The following ABHD16A variants were observed in gnomAD, a reference collection of about 807,000 sequenced individuals.
The protein encoded by ABHD16A is phosphatidylserine lipase ABHD16A.
A neutral mutation model predicts 89.8 loss-of-function variants in ABHD16A; 47 were observed. The observed-to-expected ratio is 0.52, with a 90% CI of 0.41 to 0.67. The LOEUF is 0.67. Among genes scored for constraint, ABHD16A ranks in the 30% least tolerant of loss-of-function variants. The probability of loss-of-function intolerance (pLI) is 0.00; values close to 1 mark genes in which losing one functional copy is unlikely to be tolerated. For synonymous variants in ABHD16A, 251 were observed against 280.4 expected (o/e 0.90, Z 1.05); for missense variants, 580 against 734.6 (o/e 0.79, Z 2.43).
chr6:31,702,775 G>A (rs1345617577), intron 1 of ABHD16A: 2 of 1,479,342 alleles, frequency 1.4e-6, no homozygotes. Context: ...GCATGAAGAG[G>A]CACTGAAGAA....
intron 3 of ABHD16A, 68 bp from the exon 4 acceptor site, chr6:31,701,096 C>T (rs1292838681): frequency 1.4e-6 from 2 of 1,423,806 alleles, no homozygotes; most frequent in African/African-American, 1.4e-5. Context: ...CCCAGTTCAG[C>T]CCCAACCTCC....
chr6:31,699,882 T>C (rs966564670), intron 4 of ABHD16A, among the ~76,000 whole-genome samples: 3 of 152,106 alleles, frequency 2.0e-5, no homozygotes, highest in African/African-American at 7.2e-5. Context: ...TAGCTGGGAT[T>C]ACAGGTGCTC....
intron 3 of ABHD16A, 22 bp from the exon 4 acceptor site, chr6:31,701,050 G>C: frequency 6.3e-7 from 1 of 1,580,258 alleles, no homozygotes; most frequent in Non-Finnish European, 8.7e-7. Flanking sequence ...GAGGGACAAT[G>C]TGAGACCCTC....
At chr6:31,702,628 T>C (rs1418118762) in intron 1 of ABHD16A, 2 of 1,508,484 alleles carry the variant, frequency 1.3e-6, no homozygotes, top group Non-Finnish European at 1.8e-6. Flanking sequence ...CCGCCAGCTC[T>C]CCAGAATACA....
intron 7 of ABHD16A, among the ~76,000 whole-genome samples, chr6:31,692,498 C>T (rs928068570): frequency 3.3e-5 from 5 of 152,160 alleles, no homozygotes; most frequent in Non-Finnish European, 7.3e-5. Context: ...ATCATCAGTA[C>T]CCACGACTGA....
At chr6:31,697,313 G>A (rs968569595) in intron 4 of ABHD16A, among the ~76,000 whole-genome samples, 1 of 152,122 alleles carries the variant, frequency 6.6e-6, no homozygotes, top group Admixed American at 6.5e-5. Flanking sequence ...CTCTTCCTCA[G>A]TCTTTAAACA....
At position 31,687,424 on chromosome 6, in the gene ABHD16A, T is replaced by TA; in HGVS notation, c.1593+73dup. On this transcript the variant is annotated intron_variant, in intron 19 of 19. Transcript: ENST00000395952. This position sits in a 1 kb window ranked among gnomAD's most constrained non-coding sequence, Gnocchi z 6.3. Reference sequence around the variant, plus strand: ...CAAAAGCTGCCACTTCCAATGCTTATAGGGTATCCCCAGTCCCCCTATGTG... The same window carrying TA: ...CAAAAGCTGCCACTTCCAATGCTTATAAGGGTATCCCCAGTCCCCCTATGTG... The TA allele has an allele frequency of 6.2e-7, 1 of 1,610,686 alleles. No individual in the cohort carries two copies. Among genetic ancestry groups the TA allele is most frequent in the Non-Finnish European group, 8.5e-7 (1 of 1,177,882 alleles).
chr6:31,703,140 C>G lies in ABHD16A; in HGVS notation c.132+10G>C. ...TACCACGTTCTTCGGTGGGGAGGAA[C>G]TCGACTCACCCAGGAGCTGGAATGG... is the stretch of plus-strand genomic sequence containing the variant. On this transcript the variant is annotated intron_variant, in intron 1 of 19. Coordinates refer to ENST00000395952, the MANE Select transcript of ABHD16A (RefSeq NM_021160.3). 7.0e-7 allele frequency: 1 copy of G among 1,419,188 alleles called. No homozygotes were observed. Among genetic ancestry groups the G allele is most frequent in the Non-Finnish European group, 9.3e-7 (1 of 1,078,570 alleles). 87.9% of individuals were successfully genotyped at this position (1,419,188 alleles called of 1,614,324 possible). A position where few individuals can be genotyped will look rare whatever the true frequency, so the allele number is the denominator to read the frequency against.
intron 1 of ABHD16A, chr6:31,702,615 C>CA (rs1249500582): frequency 6.7e-7 from 1 of 1,484,672 alleles, no homozygotes; most frequent in African/African-American, 1.4e-5. Flanking sequence ...AGCCTACCAC[C>CA]ACCCGCCAGC....
At chr6:31,697,829 C>A (rs577125406) in intron 4 of ABHD16A, among the ~76,000 whole-genome samples, 1 of 152,106 alleles carries the variant, frequency 6.6e-6, no homozygotes, top group East Asian at 1.9e-4. Context: ...AGACAGGCAC[C>A]GTACTACACA....
At chr6:31,699,177 C>T (rs1422226250) in intron 4 of ABHD16A, among the ~76,000 whole-genome samples, 1 of 151,716 alleles carries the variant, frequency 6.6e-6, no homozygotes, top group African/African-American at 2.4e-5. Flanking sequence ...GAGGCCGAGG[C>T]GGGTGGATCA....
intron 12 of ABHD16A, 143 bp downstream of exon 12, chr6:31,689,438 G>C (rs1383056642): frequency 3.8e-5 from 48 of 1,265,198 alleles, no homozygotes; most frequent in Non-Finnish European, 5.1e-5. Context: ...AAATAGGATA[G>C]CTTCTTCCAG....
In ABHD16A at chr6:31,696,943, C is replaced by T. The variant is rs1162165186; in HGVS notation, c.429+5G>A. ...CTGTGTGGCACTTTTCCTAGGGCCT[C>T]TCACCTTGTTTTCTGAAGACTGGTT... On this transcript the variant is annotated splice_donor_5th_base_variant and intron_variant, in intron 5 of 19. Coordinates refer to ENST00000395952, the MANE Select transcript of ABHD16A (RefSeq NM_021160.3). The T allele has an allele frequency of 1.2e-6, 2 of 1,612,424 alleles. No individual in the cohort carries two copies. The highest frequency in any genetic ancestry group is 1.7e-6 in the Non-Finnish European group (2 of 1,179,548).
chr6:31,702,223 A>T, intron 1 of ABHD16A, 93 bp from the exon 2 acceptor site: 6 of 1,240,510 alleles, frequency 4.8e-6, no homozygotes, highest in Non-Finnish European at 5.8e-6. Flanking sequence ...CTCTGGTTCT[A>T]GTCTCGTTGA....
intron 12 of ABHD16A, 146 bp downstream of exon 12, chr6:31,689,435 A>G: frequency 8.0e-7 from 1 of 1,251,582 alleles, no homozygotes; most frequent in Non-Finnish European, 1.1e-6. Flanking sequence ...TGCAAATAGG[A>G]TAGCTTCTTC....
At position 31,701,358 on chromosome 6, in the gene ABHD16A, G is replaced by A. The variant is rs1804972694; in HGVS notation, c.190-18C>T. 1 of 1,583,250 alleles carries A rather than the reference G, an allele frequency of 6.3e-7. No individual in the cohort carries two copies. Among genetic ancestry groups the A allele is most frequent in the Non-Finnish European group, 8.6e-7 (1 of 1,164,898 alleles). On this transcript the variant is annotated intron_variant, in intron 2 of 19. Coordinates refer to ENST00000395952, the MANE Select transcript of ABHD16A (RefSeq NM_021160.3). Reference sequence around the variant, plus strand: ...ACTGAAGCCTGCAGCAGAGAGACAGGGACAGGCAATCAATACACACACACA... The same window carrying A: ...ACTGAAGCCTGCAGCAGAGAGACAGAGACAGGCAATCAATACACACACACA...
chr6:31,693,271 TG>T lies in ABHD16A; in HGVS notation c.503+87del. On this transcript the variant is annotated intron_variant, in intron 6 of 19. Transcript: ENST00000395952. The surrounding 1 kb of genome is among the most constrained non-coding windows in gnomAD (Gnocchi z 5.0). ...GCATTGGAAGGCAGGCACTGTGACC[TG>T]AGAGGGCATGGAGGTGGGAGGGCAG... The T allele has an allele frequency of 6.3e-7, 1 of 1,589,722 alleles. No individual in the cohort carries two copies. Among genetic ancestry groups the T allele is most frequent in the Non-Finnish European group, 8.6e-7 (1 of 1,161,688 alleles).
At chr6:31,691,453 GGA>G in intron 9 of ABHD16A, 124 bp downstream of exon 9, 5 of 777,970 alleles carry the variant, frequency 6.4e-6, no homozygotes, top group Non-Finnish European at 1.1e-5. Flanking sequence ...TCTTTAGCGT[GGA>G]GCTAGGACAT....
rs1315786830 is a variant in ABHD16A, at chr6:31,688,471, G to A, written c.1251-166C>T. ...GAGAGGGGATTATTTAAGGGGCATG[G>A]TTCAGTCTGGCCCTGCTGGGAGACC... On this transcript the variant is annotated intron_variant, in intron 14 of 19. Coordinates refer to ENST00000395952, the MANE Select transcript of ABHD16A (RefSeq NM_021160.3). The surrounding 1 kb of genome is among the most constrained non-coding windows in gnomAD (Gnocchi z 4.9). The A allele has an allele frequency of 2.4e-6, 2 of 819,392 alleles. No individual in the cohort carries two copies. Among genetic ancestry groups the A allele is most frequent in the Admixed American group, 5.2e-5 (2 of 38,144 alleles). The allele number at this position is 819,392 out of a possible 1,614,324, so 50.8% of individuals were successfully genotyped here.
Sources: gnomAD v4.1 joint callset for allele counts (sites outside exome capture counted in the v4.1 genomes callset) on GRCh38, gnomAD v4.1.1 for gene constraint, Gnocchi (gnomAD v3.1) non-coding constraint, MANE v1.5 for transcripts, NCBI Gene and HGNC (gene_info 2026-07-23, HGNC 2026-07-21) for gene names.